The following SCG3 variants were observed in gnomAD, a reference collection of about 807,000 sequenced individuals.
The protein encoded by SCG3 is secretogranin III.
In SCG3, 38 loss-of-function variants were observed where a neutral mutation model predicts 56.2. The ratio of observed to expected loss-of-function variants is 0.68; its 90% confidence interval spans 0.52 to 0.89. The LOEUF is 0.89. Ranked by LOEUF, SCG3 falls within the 40% of genes least tolerant of loss-of-function variation. The pLI is 0.00. For synonymous variants in SCG3, 176 were observed against 184.2 expected (o/e 0.96, Z 0.36); for missense variants, 524 against 540.7 (o/e 0.97, Z 0.31).
chr15:51,717,218 A>G (rs1181400591), intron 11 of SCG3, among the ~76,000 whole-genome samples: 2 of 152,106 alleles, frequency 1.3e-5, no homozygotes, highest in African/African-American at 4.8e-5. Flanking sequence ...AAATACAAAA[A>G]TTAGCTGGGC....
At chr15:51,699,134 A>G (rs922139080) in intron 8 of SCG3, among the ~76,000 whole-genome samples, 185 bp from the exon 9 acceptor site, 1 of 152,166 alleles carries the variant, frequency 6.6e-6, no homozygotes, top group Non-Finnish European at 1.5e-5. Flanking sequence ...CTCAAACTAT[A>G]TGTCTTTCCA....
chr15:51,715,174 G>A (rs966356173), intron 11 of SCG3: 1 of 152,186 alleles, frequency 6.6e-6, no homozygotes, highest in Non-Finnish European at 1.5e-5. Flanking sequence ...GACCAACCTG[G>A]TGAAGCATAG....
chr15:51,708,701 A>C (rs1445011229), intron 10 of SCG3, among the ~76,000 whole-genome samples: 2 of 151,954 alleles, frequency 1.3e-5, no homozygotes, highest in Non-Finnish European at 2.9e-5. Context: ...TAAAAAATAC[A>C]AAAAAAATTA....
At chr15:51,706,724 T>C (rs1198019293) in intron 10 of SCG3, among the ~76,000 whole-genome samples, 1 of 152,102 alleles carries the variant, frequency 6.6e-6, no homozygotes, top group Non-Finnish European at 1.5e-5. Flanking sequence ...ATTTATATCA[T>C]GCTTCAGTTT....
chr15:51,689,261 G>A lies in SCG3; in HGVS notation c.583G>A (p.Glu195Lys). ...ACATACACTGGAAGATGAAGTAGCA[G>A]AGGTTTTACAAAAATTAATCTCAAA... ...QAHTLEDEVA[E>K]VLQKLISKEA... The change falls in exon 6 of 12, where the codon GAG becomes AAG. Residue 195 changes from glutamate to lysine, a missense_variant. Transcript: ENST00000220478. The A allele has an allele frequency of 1.2e-6, 2 of 1,614,032 alleles. No individual in the cohort carries two copies. Among genetic ancestry groups the A allele is most frequent in the Non-Finnish European group, 1.7e-6 (2 of 1,179,944 alleles).
Position 51,687,339 on chromosome 15 carries a change from A to G in SCG3, c.398-921A>G, listed in dbSNP as rs2055235644. On this transcript the variant is annotated intron_variant, in intron 4 of 11. Transcript: ENST00000220478. ...CTGATCTTTCCAATCTTTCCAGAGG[A>G]AACAGGGAGAATTAAGTGCATTGTA... Among the ~76,000 whole-genome samples, 3 of 152,324 alleles carry G rather than the reference A, an allele frequency of 2.0e-5. No individual in the cohort carries two copies. In the South Asian group the frequency reaches 6.2e-4, roughly 32 times the overall value.
chr15:51,712,522 A>G (rs1206674467), intron 10 of SCG3, among the ~76,000 whole-genome samples: 3 of 152,212 alleles, frequency 2.0e-5, no homozygotes, highest in Non-Finnish European at 4.4e-5. Flanking sequence ...AGGTAGCGGA[A>G]GCTAAGCAGA....
chr15:51,685,451 A>C lies in SCG3; in HGVS notation c.397+2017A>C, dbSNP rs1267627653. ...CTGTTCAACATTTTATTACCATCCC[A>C]AGTATGTTTGGAACTACAAAGTGCT... On this transcript the variant is annotated intron_variant, in intron 4 of 11. Transcript: ENST00000220478. Among the ~76,000 whole-genome samples, 4 of 152,218 alleles carry C rather than the reference A, an allele frequency of 2.6e-5. No homozygotes were observed. The East Asian group carries it at 7.7e-4, about 29-fold the overall frequency.
chr15:51,690,854 T>C lies in SCG3; in HGVS notation c.691-1305T>C, dbSNP rs561173183. 1.6e-3 allele frequency among the ~76,000 whole-genome samples: 238 copies of C among 152,312 alleles called. 4 individuals carry two copies. Among genetic ancestry groups the C allele is most frequent in the African/African-American group, 5.5e-3 (227 of 41,570 alleles). ...AAATGAAATATTATTTCAACAAATA[T>C]TTATTGAATACTAACTCTGTACCAA... On this transcript the variant is annotated intron_variant, in intron 6 of 11. Coordinates refer to ENST00000220478, the MANE Select transcript of SCG3 (RefSeq NM_013243.4).
intron 8 of SCG3, among the ~76,000 whole-genome samples, chr15:51,698,743 A>G (rs2055320413): frequency 3.9e-5 from 6 of 151,954 alleles, no homozygotes; most frequent in Admixed American, 2.0e-4. Flanking sequence ...GGAACAAGAT[A>G]GCTGGGACAG....
At position 51,713,254 on chromosome 15, in the gene SCG3, C is replaced by G. The variant is rs2055432030; in HGVS notation, c.1208-79C>G. On this transcript the variant is annotated intron_variant, in intron 10 of 11. Coordinates refer to ENST00000220478, the MANE Select transcript of SCG3 (RefSeq NM_013243.4). ...CTGCATAAGTCTAATATTTGTGGTT[C>G]TGAACATACGTGTGGTCTTTAAAAT... is the stretch of plus-strand genomic sequence containing the variant. 1.3e-5 allele frequency: 12 copies of G among 929,316 alleles called. No homozygotes were observed. In the Admixed American group the frequency reaches 2.3e-4, roughly 18 times the overall value. The allele number at this position is 929,316 out of a possible 1,614,324, so 57.6% of individuals were successfully genotyped here.
At chr15:51,682,447 T>G in intron 1 of SCG3, 70 bp from the exon 2 acceptor site, 5 of 758,796 alleles carry the variant, frequency 6.6e-6, no homozygotes, top group Non-Finnish European at 1.1e-5. Flanking sequence ...TATAAAAATT[T>G]TATTTAATAA....
chr15:51,700,247 G>A (rs145922909), intron 9 of SCG3, among the ~76,000 whole-genome samples: 12 of 152,046 alleles, frequency 7.9e-5, no homozygotes, highest in South Asian at 4.2e-4. Flanking sequence ...TCTACATACC[G>A]CATCACACTA....
At chr15:51,697,261 G>C (rs936010415) in intron 8 of SCG3, among the ~76,000 whole-genome samples, 8 of 144,122 alleles carry the variant, frequency 5.6e-5, no homozygotes, top group Non-Finnish European at 1.0e-4. Flanking sequence ...GTAGACCAAA[G>C]ACACTGTTTT....
chr15:51,689,509 A>T, intron 6 of SCG3, 141 bp downstream of exon 6: 1 of 1,103,876 alleles, frequency 9.1e-7, no homozygotes, highest in Non-Finnish European at 1.3e-6. Flanking sequence ...GCCCATTTAT[A>T]TTCAGGCCAG....
intron 11 of SCG3, among the ~76,000 whole-genome samples, chr15:51,714,896 G>A (rs143098066): frequency 6.6e-6 from 1 of 152,228 alleles, no homozygotes; most frequent in African/African-American, 2.4e-5. Flanking sequence ...ATATTTCATC[G>A]AATCTGTCAT....
At chr15:51,702,661 G>C (rs1025833436) in intron 10 of SCG3, among the ~76,000 whole-genome samples, 1 of 152,142 alleles carries the variant, frequency 6.6e-6, no homozygotes, top group Non-Finnish European at 1.5e-5. Context: ...CCGAATGTGG[G>C]ATCTAGTTGT....
intron 5 of SCG3, 97 bp downstream of exon 5, chr15:51,688,499 T>C (rs2055244400): frequency 1.8e-6 from 2 of 1,099,844 alleles, no homozygotes; most frequent in South Asian, 1.6e-5. Flanking sequence ...GTGTTTATAA[T>C]GTGTCTTCCT....
intron 11 of SCG3, among the ~76,000 whole-genome samples, chr15:51,715,750 T>A: frequency 6.6e-6 from 1 of 152,148 alleles, no homozygotes. Flanking sequence ...CACACAGTAA[T>A]AGCCGTGTCA....
Sources: allele counts gnomAD v4.1 joint callset (sites outside exome capture counted in the v4.1 genomes callset), GRCh38; gene constraint gnomAD v4.1.1; transcripts MANE v1.5; gene names NCBI Gene and HGNC (gene_info 2026-07-23, HGNC 2026-07-21).